ATG5: variants seen among roughly 807,000 people sequenced by gnomAD.
The protein encoded by ATG5 is autophagy protein 5.
Under a neutral mutation model 36.5 loss-of-function variants are expected in ATG5, and 14 were observed. That is an observed-to-expected ratio of 0.38 (90% CI 0.25 to 0.60). The LOEUF is 0.60. Ranked by LOEUF, ATG5 falls within the 20% of genes least tolerant of loss-of-function variation. The pLI is 0.60. For missense variants in ATG5, 195 were observed against 326.7 expected (o/e 0.60, Z 3.11); for synonymous variants, 95 against 101.5 (o/e 0.94, Z 0.38).
rs773967174 is a variant in ATG5, at chr6:106,185,336, G to T, written c.*1204C>A. 6.6e-6 allele frequency: 1 copy of T among 152,542 alleles called. No individual in the cohort carries two copies. Among genetic ancestry groups the T allele is most frequent in the Non-Finnish European group, 1.5e-5 (1 of 67,978 alleles). 9.4% of individuals were successfully genotyped at this position (152,542 alleles called of 1,614,324 possible). A position where few individuals can be genotyped will look rare whatever the true frequency, so the allele number is the denominator to read the frequency against. On this transcript the variant is annotated 3_prime_UTR_variant, in exon 8 of 8. Transcript: ENST00000369076. ...GTAAGCCTTTTAGCGTACTCAAATG[G>T]GTCAACATTCAATATGGACAGCCAG...
intron 6 of ATG5, among the ~76,000 whole-genome samples, chr6:106,236,574 T>C (rs1270928355): frequency 6.6e-6 from 1 of 152,206 alleles, no homozygotes; most frequent in Non-Finnish European, 1.5e-5. Context: ...TTATTTTCAT[T>C]TTCCTGATGA....
chr6:106,245,105 C>A, intron 6 of ATG5, among the ~76,000 whole-genome samples: 1 of 152,192 alleles, frequency 6.6e-6, no homozygotes, highest in East Asian at 1.9e-4. Flanking sequence ...AAACCTGAAA[C>A]TAACACACCA....
At position 106,316,256 on chromosome 6, in the gene ATG5, C is replaced by T. The variant is rs930046384; in HGVS notation, c.-48G>A. On this transcript the variant is annotated 5_prime_UTR_variant, in exon 2 of 8. Coordinates refer to ENST00000369076, the MANE Select transcript of ATG5 (RefSeq NM_004849.4). ...CATACAGGCTAAATTCTTATTTCAACCAAAGCCAAACTGAAAATAAAATGA... is the reference window on the plus strand; with the variant it reads ...CATACAGGCTAAATTCTTATTTCAATCAAAGCCAAACTGAAAATAAAATGA... 7 of 1,442,418 alleles carry T rather than the reference C, an allele frequency of 4.9e-6. No individual in the cohort carries two copies. The highest frequency in any genetic ancestry group is 6.8e-6 in the Non-Finnish European group (7 of 1,033,208). 89.4% of individuals were successfully genotyped at this position (1,442,418 alleles called of 1,614,324 possible).
At chr6:106,256,031 T>C (rs776573687) in intron 5 of ATG5, among the ~76,000 whole-genome samples, 11 of 152,162 alleles carry the variant, frequency 7.2e-5, no homozygotes, top group Non-Finnish European at 1.3e-4. Context: ...AATATGCAAT[T>C]GAGTTCATTT....
intron 6 of ATG5, among the ~76,000 whole-genome samples, chr6:106,247,918 T>C (rs1778410577): frequency 6.6e-6 from 1 of 152,210 alleles, no homozygotes; most frequent in Non-Finnish European, 1.5e-5. Flanking sequence ...TAAATTTTAG[T>C]AAGCATGTGA....
chr6:106,227,111 A>G (rs1303770054), intron 6 of ATG5, among the ~76,000 whole-genome samples: 1 of 151,130 alleles, frequency 6.6e-6, no homozygotes, highest in African/African-American at 2.4e-5. Flanking sequence ...AGATAAACAA[A>G]CTAAAAAGAA....
chr6:106,269,636 C>G (rs554573104), intron 5 of ATG5, among the ~76,000 whole-genome samples: 1 of 152,250 alleles, frequency 6.6e-6, no homozygotes, highest in Non-Finnish European at 1.5e-5. Context: ...CCCTCCGCAG[C>G]CGCTGGCCCG....
chr6:106,266,488 A>T (rs1261538004), intron 5 of ATG5, among the ~76,000 whole-genome samples: 1 of 149,150 alleles, frequency 6.7e-6, no homozygotes, highest in African/African-American at 2.6e-5. Flanking sequence ...CTCCTCCCTA[A>T]CTCATTTTAT....
At chr6:106,214,297 G>A (rs1332543331) in intron 6 of ATG5, among the ~76,000 whole-genome samples, 2 of 152,080 alleles carry the variant, frequency 1.3e-5, no homozygotes, top group African/African-American at 4.8e-5. Flanking sequence ...GTCTTTTGGT[G>A]GTAGAAAGAG....
intron 3 of ATG5, among the ~76,000 whole-genome samples, chr6:106,295,662 CA>C (rs1769894549): frequency 6.6e-6 from 1 of 151,586 alleles, no homozygotes; most frequent in Non-Finnish European, 1.5e-5. Flanking sequence ...CTCCTGGGCT[CA>C]AGCGATCCTC....
At chr6:106,292,494 T>C (rs1324906804) in intron 4 of ATG5, among the ~76,000 whole-genome samples, 1 of 152,228 alleles carries the variant, frequency 6.6e-6, no homozygotes, top group Admixed American at 6.5e-5. Flanking sequence ...TTTGGAATTC[T>C]ATCTCCTAAC....
chr6:106,285,532 T>A (rs555475591), intron 4 of ATG5, among the ~76,000 whole-genome samples: 3 of 152,164 alleles, frequency 2.0e-5, no homozygotes, highest in Non-Finnish European at 4.4e-5. Flanking sequence ...CTCTCCTTAA[T>A]CCTAAAAAGG....
chr6:106,232,724 T>C (rs1302125191), intron 6 of ATG5, among the ~76,000 whole-genome samples: 4 of 151,818 alleles, frequency 2.6e-5, no homozygotes. Context: ...ACAGTGGAGG[T>C]TAGTGCAAGA....
intron 4 of ATG5, among the ~76,000 whole-genome samples, chr6:106,290,280 TTTA>T (rs1390802358): frequency 6.8e-6 from 1 of 147,046 alleles, no homozygotes; most frequent in Non-Finnish European, 1.5e-5. Context: ...TTTATTTTAT[TTTA>T]TTTTTAGATA....
At chr6:106,317,928 T>C (rs1034952412) in intron 1 of ATG5, among the ~76,000 whole-genome samples, 3 of 152,236 alleles carry the variant, frequency 2.0e-5, no homozygotes, top group Non-Finnish European at 4.4e-5. Flanking sequence ...AAAGGTGGTA[T>C]GCAGTTGTTT....
Position 106,187,501 on chromosome 6 carries a change from G to GA in ATG5, c.692-826dup, listed in dbSNP as rs933489226. On this transcript the variant is annotated intron_variant, in intron 7 of 7. Coordinates refer to ENST00000369076, the MANE Select transcript of ATG5 (RefSeq NM_004849.4). The stretch of plus-strand genomic sequence containing the variant: ...AAAGCCAAACTCCTCTAATGAAAAA[G>GA]AAAAAAAAAATAGAACCATCAAGAA... Among the ~76,000 whole-genome samples the GA allele has an allele frequency of 1.2e-4, 18 of 146,390 alleles. 1 individual carries two copies. The highest frequency in any genetic ancestry group is 6.0e-4 in the East Asian group (3 of 5,040).
chr6:106,219,726 T>C (rs952670025), intron 6 of ATG5, among the ~76,000 whole-genome samples: 16 of 152,184 alleles, frequency 1.1e-4, no homozygotes, highest in Non-Finnish European at 1.8e-4. Context: ...TGGCTATATA[T>C]AAATCACTCA....
At chr6:106,300,532 A>G (rs1255427439) in intron 3 of ATG5, among the ~76,000 whole-genome samples, 1 of 152,126 alleles carries the variant, frequency 6.6e-6, no homozygotes, top group Non-Finnish European at 1.5e-5. Context: ...TGTTCCGAGA[A>G]ATGCATTGTT....
intron 7 of ATG5, among the ~76,000 whole-genome samples, chr6:106,199,800 T>C (rs1247433604): frequency 1.3e-5 from 2 of 152,226 alleles, no homozygotes; most frequent in Non-Finnish European, 2.9e-5. Context: ...AATAATATGT[T>C]TCATGGTAAT....
Sources: allele counts gnomAD v4.1 joint callset (sites outside exome capture counted in the v4.1 genomes callset), GRCh38; gene constraint gnomAD v4.1.1; transcripts MANE v1.5; gene names NCBI Gene and HGNC (gene_info 2026-07-23, HGNC 2026-07-21).